The following PLXNC1 variants were observed in gnomAD, a reference collection of about 807,000 sequenced individuals.
The protein encoded by PLXNC1 is plexin C1, also known as plexin-C1.
Under a neutral mutation model 178.2 loss-of-function variants are expected in PLXNC1, and 75 were observed. That is an observed-to-expected ratio of 0.42 (90% CI 0.35 to 0.51). The LOEUF (loss-of-function observed/expected upper bound fraction) is 0.51, where lower values mean the gene tolerates loss of function less well. Among genes scored for constraint, PLXNC1 ranks in the 20% least tolerant of loss-of-function variants. The pLI is 0.02. For synonymous variants in PLXNC1, 790 were observed against 779.9 expected, an observed-to-expected ratio of 1.01 and a Z score of -0.22; for missense variants, 1,503 against 1,984.4, an observed-to-expected ratio of 0.76 and a Z score of 4.61.
At position 94,212,908 on chromosome 12, in the gene PLXNC1, A is replaced by T. The variant is rs551487106; in HGVS notation, c.1554+3204A>T. 3.6e-3 allele frequency among the ~76,000 whole-genome samples: 545 copies of T among 151,988 alleles called. 1 individual carries two copies. Among genetic ancestry groups the T allele is most frequent in the Non-Finnish European group, 5.4e-3 (369 of 67,956 alleles). ...CTAATTTTTTGTATTTTTAGTAGAG[A>T]TGGGGTTTCACCGTGTTGGCCAAGA... On this transcript the variant is annotated intron_variant, in intron 5 of 30. Transcript: ENST00000258526.
chr12:94,211,807 C>T (rs1220144699), intron 5 of PLXNC1, among the ~76,000 whole-genome samples: 2 of 152,196 alleles, frequency 1.3e-5, no homozygotes, highest in Non-Finnish European at 1.5e-5. Context: ...GTGTTCCTAG[C>T]ATGATCTTAT....
intron 20 of PLXNC1, 80 bp from the exon 21 acceptor site, chr12:94,264,999 T>C: frequency 7.1e-7 from 1 of 1,415,402 alleles, no homozygotes; most frequent in African/African-American, 1.4e-5. Flanking sequence ...GCCTTACTGC[T>C]GTAAACAGAA....
intron 22 of PLXNC1, chr12:94,280,050 A>AT (rs1966321507): frequency 5.8e-6 from 2 of 347,810 alleles, no homozygotes; most frequent in African/African-American, 2.1e-5. Context: ...TGAGCGTGTC[A>AT]TTACTGGGTG....
At chr12:94,291,062 T>A (rs1226011304) in intron 23 of PLXNC1, among the ~76,000 whole-genome samples, 1 of 152,200 alleles carries the variant, frequency 6.6e-6, no homozygotes, top group South Asian at 2.1e-4. Context: ...GATTTGCGAG[T>A]GCCCATCAGG....
At chr12:94,294,942 C>CT (rs753959344) in intron 24 of PLXNC1, among the ~76,000 whole-genome samples, 1 of 152,218 alleles carries the variant, frequency 6.6e-6, no homozygotes, top group Non-Finnish European at 1.5e-5. Flanking sequence ...AGATAATCCA[C>CT]TTAGAAGGTC....
At chr12:94,265,447 G>A (rs1965182057) in intron 21 of PLXNC1, among the ~76,000 whole-genome samples, 1 of 152,090 alleles carries the variant, frequency 6.6e-6, no homozygotes, top group South Asian at 2.1e-4. Context: ...TGATGCCTGG[G>A]GTACTCATCA....
intron 12 of PLXNC1, among the ~76,000 whole-genome samples, chr12:94,245,565 T>C (rs74994322): frequency 0.011 from 1,742 of 152,298 alleles, 25 homozygotes; most frequent in African/African-American, 0.039. Context: ...CATCAGGTTC[T>C]AGGTCCTCTG....
chr12:94,232,834 C>A (rs371391037), intron 9 of PLXNC1, among the ~76,000 whole-genome samples: 16 of 152,114 alleles, frequency 1.1e-4, no homozygotes, highest in Non-Finnish European at 2.2e-4. Flanking sequence ...CCTATTTTCC[C>A]CATTTTATAG....
chr12:94,161,126 G>A (rs892210548), intron 1 of PLXNC1, among the ~76,000 whole-genome samples: 3 of 151,880 alleles, frequency 2.0e-5, no homozygotes, highest in African/African-American at 7.3e-5. Flanking sequence ...CCTGAATTCT[G>A]TTCATGAACT....
chr12:94,219,697 G>C (rs1287539058), intron 5 of PLXNC1, among the ~76,000 whole-genome samples: 1 of 152,068 alleles, frequency 6.6e-6, no homozygotes, highest in East Asian at 1.9e-4. Context: ...CTTGAAAATT[G>C]ATAAGAAAAA....
chr12:94,197,689 C>T (rs770274221), intron 4 of PLXNC1, among the ~76,000 whole-genome samples: 12 of 152,142 alleles, frequency 7.9e-5, no homozygotes, highest in Non-Finnish European at 1.5e-4. Flanking sequence ...GGGATTAGGA[C>T]CTGGACATCT....
intron 1 of PLXNC1, among the ~76,000 whole-genome samples, chr12:94,160,613 A>AG (rs1961349261): frequency 6.6e-6 from 1 of 152,162 alleles, no homozygotes; most frequent in Admixed American, 6.5e-5. Context: ...GAGGCAATAG[A>AG]GGGGGGAATA....
At chr12:94,299,386 A>C (rs1463253335) in intron 27 of PLXNC1, among the ~76,000 whole-genome samples, 1 of 152,120 alleles carries the variant, frequency 6.6e-6, no homozygotes, top group African/African-American at 2.4e-5. Context: ...TAAGACTCAG[A>C]GTTATGATGA....
At chr12:94,162,450 A>G (rs931247685) in intron 1 of PLXNC1, among the ~76,000 whole-genome samples, 11 of 152,178 alleles carry the variant, frequency 7.2e-5, no homozygotes, top group Non-Finnish European at 1.2e-4. Flanking sequence ...AGGCATATGG[A>G]TTCAATTCTC....
At position 94,149,939 on chromosome 12, in the gene PLXNC1, C is replaced by A. The variant is rs1420986735; in HGVS notation, c.968C>A (p.Pro323His). 6.3e-7 allele frequency: 1 copy of A among 1,587,102 alleles called. No individual in the cohort carries two copies. Among genetic ancestry groups the A allele is most frequent in the Non-Finnish European group, 8.6e-7 (1 of 1,167,738 alleles). Residue 323 changes from proline to histidine, a missense_variant, in exon 1 of 31, where the codon CCC becomes CAC. Pro to His is a moderately conservative substitution (Grantham distance 77). Around this residue, in one of 4 missense-constraint regions of PLXNC1, gnomAD observed 615 missense variants for 698.6 expected, o/e 0.88. Transcript: ENST00000258526. Reference sequence around the variant, plus strand: ...GGAGAGGGCCAGGAGCGGCGCTCCCCCACCACCACGGCGCTCTGCCTCTTC... The same window carrying A: ...GGAGAGGGCCAGGAGCGGCGCTCCCACACCACCACGGCGCTCTGCCTCTTC... ...AAGEGQERRS[P>H]TTTALCLFRM...
At chr12:94,279,404 T>A in intron 21 of PLXNC1, 68 bp from the exon 22 acceptor site, 2 of 1,418,088 alleles carry the variant, frequency 1.4e-6, no homozygotes, top group South Asian at 2.6e-5. Flanking sequence ...AAGGTTTGTG[T>A]CTTTTATGAA....
At chr12:94,179,269 C>A (rs1962214372) in intron 2 of PLXNC1, among the ~76,000 whole-genome samples, 1 of 152,226 alleles carries the variant, frequency 6.6e-6, no homozygotes. Flanking sequence ...CCAAATTTTT[C>A]TTTTGAAACC....
At chr12:94,190,522 T>A (rs866048671) in intron 4 of PLXNC1, among the ~76,000 whole-genome samples, 38 of 152,184 alleles carry the variant, frequency 2.5e-4, no homozygotes, top group African/African-American at 9.2e-4. Context: ...ATTAGAGACG[T>A]GGGCCACCAC....
chr12:94,224,931 C>G (rs954503965), intron 7 of PLXNC1, among the ~76,000 whole-genome samples: 2 of 152,144 alleles, frequency 1.3e-5, no homozygotes, highest in African/African-American at 4.8e-5. Context: ...CTGCTAGGTT[C>G]TCTTCTGATT....
Sources: allele counts gnomAD v4.1 joint callset (sites outside exome capture counted in the v4.1 genomes callset), GRCh38; gene constraint gnomAD v4.1.1; regional missense constraint gnomAD v4.1.1; transcripts MANE v1.5; gene names NCBI Gene and HGNC (gene_info 2026-07-23, HGNC 2026-07-21).